Variants in SNPH observed in about 807,000 individuals in gnomAD.
The protein encoded by SNPH is syntaphilin.
Under a neutral mutation model 36.8 loss-of-function variants are expected in SNPH, and 10 were observed. That is an observed-to-expected ratio of 0.27 (90% CI 0.17 to 0.46). The LOEUF is 0.46. Among genes scored for constraint, SNPH ranks in the 20% least tolerant of loss-of-function variants. The pLI, the probability that SNPH is intolerant of heterozygous loss-of-function variation, is 1.00. For missense variants in SNPH, 622 were observed against 744.0 expected (o/e 0.84, Z 1.91); for synonymous variants, 281 against 312.2 (o/e 0.90, Z 1.05).
intron 2 of SNPH, among the ~76,000 whole-genome samples, chr20:1,292,529 C>A (rs946632417): frequency 6.6e-6 from 1 of 152,230 alleles, no homozygotes; most frequent in Non-Finnish European, 1.5e-5. Context: ...TAATTTCTCC[C>A]CTGGTTGGTA....
intron 2 of SNPH, among the ~76,000 whole-genome samples, chr20:1,270,124 A>G (rs2088055273): frequency 6.6e-6 from 1 of 152,222 alleles, no homozygotes; most frequent in Non-Finnish European, 1.5e-5. Context: ...CGAAAGGCCT[A>G]CATGCACCCT....
intron 5 of SNPH, 113 bp from the exon 6 acceptor site, chr20:1,300,449 G>A (rs1316394078): frequency 2.6e-6 from 3 of 1,162,766 alleles, no homozygotes; most frequent in Non-Finnish European, 3.8e-6. Context: ...CTGGCTTGGA[G>A]CATCTGGTGG....
chr20:1,277,212 G>A (rs371440069), intron 2 of SNPH, among the ~76,000 whole-genome samples: 2 of 152,144 alleles, frequency 1.3e-5, no homozygotes, highest in Non-Finnish European at 2.9e-5. Context: ...CTGAACCCCC[G>A]TACCCAGCAC....
At chr20:1,279,177 A>G (rs1167425325) in intron 2 of SNPH, among the ~76,000 whole-genome samples, 1 of 152,154 alleles carries the variant, frequency 6.6e-6, no homozygotes, top group Non-Finnish European at 1.5e-5. Context: ...TGACATTTCT[A>G]CTCGCGGCAT....
chr20:1,295,959 C>G lies in SNPH; in HGVS notation c.-281C>G. On this transcript the variant is annotated 5_prime_UTR_variant, in exon 4 of 7. Transcript: ENST00000381867. ...ATCAGGGTCCTGGGGAAGAAGCAGG[C>G]CTGGCTCGTAGAGTAGAAGACTCGG... 1 of 407,524 alleles carries G rather than the reference C, an allele frequency of 2.5e-6. No homozygotes were observed. The highest frequency in any genetic ancestry group is 4.3e-6 in the Non-Finnish European group (1 of 232,002). 25.2% of individuals were successfully genotyped at this position (407,524 alleles called of 1,614,324 possible).
Position 1,305,594 on chromosome 20 carries a change from C to G in SNPH, c.1157C>G (p.Pro386Arg), listed in dbSNP as rs759133791. The G allele has an allele frequency of 1.2e-6, 2 of 1,613,590 alleles. No homozygotes were observed. The highest frequency in any genetic ancestry group is 2.2e-5 in the South Asian group (2 of 91,092). Residue 386 changes from proline (P) to arginine (R), a missense_variant, in exon 7 of 7, where the codon CCT (proline) becomes CGT (arginine). Physicochemically the swap from Pro to Arg is moderately radical, Grantham distance 103. Coordinates refer to ENST00000381867, the MANE Select transcript of SNPH (RefSeq NM_001318234.2). ...CAGGCCCAGGTCTGTGGGACAGACC[C>G]TGAGTCAGGGGACAGGTGCCCAGAG... is the stretch of plus-strand genomic sequence containing the variant. ...VTQAQVCGTD[P>R]ESGDRCPELD...
At chr20:1,300,837 TCC>T in intron 6 of SNPH, 126 bp downstream of exon 6, 1 of 964,870 alleles carries the variant, frequency 1.0e-6, no homozygotes, top group Non-Finnish European at 1.5e-6. Flanking sequence ...GTCTGCTCTC[TCC>T]TTCCCAGCAA....
At chr20:1,280,086 T>C (rs2088198504) in intron 2 of SNPH, among the ~76,000 whole-genome samples, 1 of 152,226 alleles carries the variant, frequency 6.6e-6, no homozygotes, top group Admixed American at 6.5e-5. Flanking sequence ...GATTGGGGCA[T>C]GGACTGGCCG....
In SNPH at chr20:1,281,602, A is replaced by G. The variant is rs139051457; in HGVS notation, c.-492-13349A>G. Among the ~76,000 whole-genome samples the G allele has an allele frequency of 2.4e-3, 367 of 152,282 alleles. 1 individual carries two copies. Among genetic ancestry groups the G allele is most frequent in the African/African-American group, 8.5e-3 (353 of 41,552 alleles). ...TAAATGCTAACCCCTATTCCTGCACAGAATGTGGAATGCTCCTCCACAGGC... is the reference window on the plus strand; with the variant it reads ...TAAATGCTAACCCCTATTCCTGCACGGAATGTGGAATGCTCCTCCACAGGC... On this transcript the variant is annotated intron_variant, in intron 2 of 6. Transcript: ENST00000381867.
Position 1,279,791 on chromosome 20 carries a change from C to T in SNPH, c.-493+13031C>T, listed in dbSNP as rs145534207. On this transcript the variant is annotated intron_variant, in intron 2 of 6. Transcript: ENST00000381867. Reference sequence around the variant, plus strand: ...TGCCATGAAGGTTTAGTGTCAGAGCCCACAAACAGCTCTGATGTCCAGAGA... The same window carrying T: ...TGCCATGAAGGTTTAGTGTCAGAGCTCACAAACAGCTCTGATGTCCAGAGA... 4.0e-3 allele frequency among the ~76,000 whole-genome samples: 611 copies of T among 152,196 alleles called. 3 individuals are homozygous for T. The highest frequency in any genetic ancestry group is 0.014 in the African/African-American group (572 of 41,498).
Position 1,296,248 on chromosome 20 carries a change from C to T in SNPH, c.9C>T (p.Gly3=). 6.6e-7 allele frequency: 1 copy of T among 1,525,076 alleles called. No homozygotes were observed. Among genetic ancestry groups the T allele is most frequent in the Non-Finnish European group, 8.8e-7 (1 of 1,137,492 alleles). 94.5% of individuals were successfully genotyped at this position (1,525,076 alleles called of 1,614,324 possible). A position where few individuals can be genotyped will look rare whatever the true frequency, so the allele number is the denominator to read the frequency against. MP[G]SGPSERMTWP... is the part of the protein sequence containing the mutation. ...GGGTGAGAAGAGAAGCCATGCCGGGCAGCGGCCCCAGCGAGAGGATGACGT... is the reference window on the plus strand; with the variant it reads ...GGGTGAGAAGAGAAGCCATGCCGGGTAGCGGCCCCAGCGAGAGGATGACGT... The change falls in exon 4 of 7, where the codon GGC becomes GGT. Residue 3 remains glycine (G), a synonymous_variant. Transcript: ENST00000381867.
chr20:1,282,655 C>A (rs2088238921), intron 2 of SNPH, among the ~76,000 whole-genome samples: 1 of 152,192 alleles, frequency 6.6e-6, no homozygotes, highest in Non-Finnish European at 1.5e-5. Flanking sequence ...CCAGTTGGAG[C>A]TAAGGGAGCC....
At chr20:1,286,911 G>T (rs1234061283) in intron 2 of SNPH, among the ~76,000 whole-genome samples, 1 of 152,078 alleles carries the variant, frequency 6.6e-6, no homozygotes, top group Non-Finnish European at 1.5e-5. Flanking sequence ...TAGTCCTTTG[G>T]TCTGTGTGTT....
chr20:1,273,053 C>A (rs1029477735), intron 2 of SNPH, among the ~76,000 whole-genome samples: 3 of 152,224 alleles, frequency 2.0e-5, no homozygotes, highest in African/African-American at 7.2e-5. Context: ...AGACTCCTGG[C>A]AGGTCCTCAG....
intron 2 of SNPH, among the ~76,000 whole-genome samples, chr20:1,269,592 G>A (rs1600242602): frequency 6.6e-6 from 1 of 152,318 alleles, no homozygotes; most frequent in East Asian, 1.9e-4. Flanking sequence ...AGAAGAAGAA[G>A]CTGTGAACAA....
chr20:1,290,988 A>G (rs1390916442), intron 2 of SNPH, among the ~76,000 whole-genome samples: 2 of 152,250 alleles, frequency 1.3e-5, no homozygotes, highest in African/African-American at 4.8e-5. Context: ...CACACCTTCC[A>G]TATGTAAAAC....
chr20:1,298,330 G>A (rs529176008), intron 5 of SNPH, among the ~76,000 whole-genome samples: 1 of 152,318 alleles, frequency 6.6e-6, no homozygotes, highest in South Asian at 2.1e-4. Context: ...CCAGCCTGTG[G>A]CTCCCATGGC....
At position 1,304,932 on chromosome 20, in the gene SNPH, G is replaced by C; in HGVS notation, c.495G>C (p.Trp165Cys). 6.2e-7 allele frequency: 1 copy of C among 1,613,666 alleles called. No homozygotes were observed. The highest frequency in any genetic ancestry group is 1.3e-5 in the African/African-American group (1 of 75,032). ...KTQLSRMQED[W>C]IEEECHRVEA... Reference sequence around the variant, plus strand: ...AGCTGTCACGCATGCAGGAGGACTGGATTGAGGAGGAGTGCCACCGCGTGG... The same window carrying C: ...AGCTGTCACGCATGCAGGAGGACTGCATTGAGGAGGAGTGCCACCGCGTGG... The change falls in exon 7 of 7, where the codon TGG becomes TGC. Residue 165 changes from tryptophan to cysteine, a missense_variant. Around this residue, in one of 3 missense-constraint regions of SNPH, gnomAD observed 56 missense variants for 106.6 expected, o/e 0.53. Transcript: ENST00000381867. The surrounding 1 kb of genome is among the most constrained non-coding windows in gnomAD (Gnocchi z 4.3).
chr20:1,297,030 T>G, intron 4 of SNPH, 115 bp from the exon 5 acceptor site: 1 of 1,465,374 alleles, frequency 6.8e-7, no homozygotes, highest in Non-Finnish European at 9.1e-7. Flanking sequence ...TTCTCTCCCC[T>G]GTGGTGACCC....
Sources: gnomAD v4.1 joint callset for allele counts (sites outside exome capture counted in the v4.1 genomes callset) on GRCh38, gnomAD v4.1.1 for gene constraint, gnomAD v4.1.1 regional missense constraint, Gnocchi (gnomAD v3.1) non-coding constraint, MANE v1.5 for transcripts, NCBI Gene and HGNC (gene_info 2026-07-23, HGNC 2026-07-21) for gene names.